C6: variants seen among roughly 807,000 people sequenced by gnomAD.
The protein encoded by C6 is complement component C6.
In C6, 101 loss-of-function variants were observed where a neutral mutation model predicts 112.9. The observed-to-expected ratio is 0.89, with a 90% CI of 0.76 to 1.06. C6 has a LOEUF of 1.06. Ranked by LOEUF, C6 falls within the 50% of genes least tolerant of loss-of-function variation. C6 has a pLI of 0.00. For synonymous variants in C6, 431 were observed against 384.1 expected (o/e 1.12, Z -1.43); for missense variants, 1,202 against 1,104.6 (o/e 1.09, Z -1.25).
At chr5:41,234,332 C>A (rs903210651) in intron 1 of C6, among the ~76,000 whole-genome samples, 1 of 149,220 alleles carries the variant, frequency 6.7e-6, no homozygotes, top group Non-Finnish European at 1.5e-5. Context: ...GTTATTCTAC[C>A]CTTTCGTTTT....
At chr5:41,251,955 GGA>G (rs1211943299) in intron 1 of C6, among the ~76,000 whole-genome samples, 2 of 152,190 alleles carry the variant, frequency 1.3e-5, no homozygotes, top group Non-Finnish European at 2.9e-5. Flanking sequence ...TGAAACTCAA[GGA>G]GAGAGGCAAG....
At chr5:41,190,407 A>G (rs751511264) in intron 5 of C6, among the ~76,000 whole-genome samples, 73 of 152,082 alleles carry the variant, frequency 4.8e-4, no homozygotes, top group Non-Finnish European at 6.9e-4. Flanking sequence ...CCTTTTGGTA[A>G]ATGTCTTATT....
chr5:41,182,817 A>G (rs919533282), intron 6 of C6, among the ~76,000 whole-genome samples: 1 of 152,234 alleles, frequency 6.6e-6, no homozygotes, highest in African/African-American at 2.4e-5. Context: ...TTCTTCAGCC[A>G]TATCACTATG....
At chr5:41,183,771 A>G (rs1437814842) in intron 6 of C6, among the ~76,000 whole-genome samples, 1 of 152,254 alleles carries the variant, frequency 6.6e-6, no homozygotes, top group East Asian at 1.9e-4. Context: ...ATAATGTGGT[A>G]CATATGTGCC....
intron 9 of C6, among the ~76,000 whole-genome samples, chr5:41,167,130 C>T (rs1429348529): frequency 1.3e-5 from 2 of 151,920 alleles, no homozygotes; most frequent in Non-Finnish European, 2.9e-5. Context: ...TATATACAGC[C>T]TCAGGCTGGA....
intron 9 of C6, among the ~76,000 whole-genome samples, chr5:41,171,255 C>G (rs971454351): frequency 6.6e-6 from 1 of 152,120 alleles, no homozygotes; most frequent in Non-Finnish European, 1.5e-5. Flanking sequence ...GAATCAAGGA[C>G]AGCAGCCAGG....
chr5:41,242,328 T>A (rs1740769455), intron 1 of C6, among the ~76,000 whole-genome samples: 1 of 152,158 alleles, frequency 6.6e-6, no homozygotes, highest in Admixed American at 6.5e-5. Context: ...TTCCTGCTTG[T>A]ACTCACTCCA....
chr5:41,200,609 C>T (rs1750936242), intron 3 of C6, among the ~76,000 whole-genome samples: 2 of 152,154 alleles, frequency 1.3e-5, no homozygotes, highest in African/African-American at 4.8e-5. Context: ...AACAGTTCCC[C>T]TCAGAAAGTA....
intron 17 of C6, among the ~76,000 whole-genome samples, chr5:41,144,263 G>C (rs1350919212): frequency 6.6e-6 from 1 of 151,972 alleles, no homozygotes; most frequent in African/African-American, 2.4e-5. Flanking sequence ...CTGATCTTTT[G>C]ATCGTTTCTT....
intron 1 of C6, among the ~76,000 whole-genome samples, chr5:41,251,679 T>C (rs1411233489): frequency 1.3e-5 from 2 of 152,170 alleles, no homozygotes; most frequent in African/African-American, 2.4e-5. Flanking sequence ...GCTAAAACAA[T>C]GACAGACGCT....
chr5:41,171,770 C>T (rs561510887), intron 9 of C6, among the ~76,000 whole-genome samples: 1 of 152,244 alleles, frequency 6.6e-6, no homozygotes, highest in Non-Finnish European at 1.5e-5. Flanking sequence ...TGCATGGCCC[C>T]AAAATAATTC....
At chr5:41,170,712 G>C (rs1298034696) in intron 9 of C6, among the ~76,000 whole-genome samples, 1 of 151,958 alleles carries the variant, frequency 6.6e-6, no homozygotes, top group Non-Finnish European at 1.5e-5. Flanking sequence ...TATTATTATA[G>C]TAAATATTAT....
rs142278261 is a variant in C6 at position 41,183,539 on chromosome 5, A to G, written c.727-1980T>C. Among the ~76,000 whole-genome samples the G allele has an allele frequency of 1.3e-3, 195 of 152,310 alleles. 3 individuals carry two copies. The East Asian group carries it at 0.031, about 24-fold the overall frequency. ...GCTAATACACTGTTGGTGAGAATGT[A>G]AATTAGTTCAGCCACTGTGGAAAGC... On this transcript the variant is annotated intron_variant, in intron 6 of 17. Coordinates refer to ENST00000337836, the MANE Select transcript of C6 (RefSeq NM_000065.5).
rs117448918 is a variant in C6, at chr5:41,251,581, G to C, written c.-21+9613C>G. Among the ~76,000 whole-genome samples the C allele has an allele frequency of 9.8e-5, 15 of 152,288 alleles. No homozygotes were observed. In the East Asian group the frequency reaches 2.9e-3, roughly 29 times the overall value. On this transcript the variant is annotated intron_variant, in intron 1 of 17. Transcript: ENST00000263413. ...AAAGTTTGGAACAGCTGAATCTTAG[G>C]TCAAGGACCTAGGTCTTCGAATTTT...
intron 5 of C6, among the ~76,000 whole-genome samples, chr5:41,188,913 G>A (rs375547003): frequency 2.0e-5 from 3 of 151,602 alleles, no homozygotes; most frequent in East Asian, 1.9e-4. Flanking sequence ...AAAAATGCTT[G>A]GAACTAAATA....
intron 5 of C6, among the ~76,000 whole-genome samples, chr5:41,187,955 C>A (rs1749911766): frequency 6.6e-6 from 1 of 152,008 alleles, no homozygotes; most frequent in Admixed American, 6.6e-5. Flanking sequence ...AATCAACAAA[C>A]AAAAATCAAA....
chr5:41,178,466 C>CTTTTTTT (rs70988836), intron 7 of C6, among the ~76,000 whole-genome samples: 183 of 101,580 alleles, frequency 1.8e-3, no homozygotes, highest in African/African-American at 2.1e-3. Context: ...TTTTCTTTTT[C>CTTTTTTT]TTTTTTTTTT....
intron 1 of C6, among the ~76,000 whole-genome samples, chr5:41,219,895 TG>T (rs1739062859): frequency 6.6e-6 from 1 of 152,210 alleles, no homozygotes; most frequent in African/African-American, 2.4e-5. Flanking sequence ...ACATGCTCTG[TG>T]TATTGAATCC....
At chr5:41,237,272 C>CA (rs1268492950) in intron 1 of C6, among the ~76,000 whole-genome samples, 3 of 100,332 alleles carry the variant, frequency 3.0e-5, no homozygotes, top group African/African-American at 1.3e-4. Context: ...GAGACACAAC[C>CA]AAAAAAGAGA....
Sources: gnomAD v4.1 joint callset for allele counts (sites outside exome capture counted in the v4.1 genomes callset) on GRCh38, gnomAD v4.1.1 for gene constraint, MANE v1.5 for transcripts, NCBI Gene and HGNC (gene_info 2026-07-23, HGNC 2026-07-21) for gene names.